The following SORCS1 variants were observed in gnomAD, a reference collection of about 807,000 sequenced individuals.
SORCS1 encodes sortilin related VPS10 domain containing receptor 1.
In SORCS1, 60 loss-of-function variants were observed where a neutral mutation model predicts 146.1. That is an observed-to-expected ratio of 0.41 (90% confidence interval 0.33 to 0.51). The LOEUF (loss-of-function observed/expected upper bound fraction) is 0.51. Among genes scored for constraint, SORCS1 ranks in the 20% least tolerant of loss-of-function variants. The pLI is 0.21. For missense variants in SORCS1, 1,352 were observed against 1,487.6 expected (o/e 0.91, Z 1.50); for synonymous variants, 637 against 584.0 (o/e 1.09, Z -1.31).
At chr10:106,723,171 TA>T (rs1267396610) in intron 6 of SORCS1, among the ~76,000 whole-genome samples, 4 of 152,046 alleles carry the variant, frequency 2.6e-5, no homozygotes, top group Admixed American at 2.0e-4. Flanking sequence ...AAACGTAAAA[TA>T]AAATAAAAAA....
chr10:106,986,221 C>G (rs1956462370), intron 1 of SORCS1, among the ~76,000 whole-genome samples: 1 of 146,898 alleles, frequency 6.8e-6, no homozygotes, highest in Non-Finnish European at 1.5e-5. Flanking sequence ...TATGTACATA[C>G]AGCATGTATA....
chr10:107,067,807 T>C (rs1407736247), intron 1 of SORCS1, among the ~76,000 whole-genome samples: 1 of 152,170 alleles, frequency 6.6e-6, no homozygotes, highest in Non-Finnish European at 1.5e-5. Flanking sequence ...TAATAAATAG[T>C]ACCAACCTCA....
intron 2 of SORCS1, among the ~76,000 whole-genome samples, chr10:106,849,085 A>C (rs1051765067): frequency 6.9e-6 from 1 of 145,374 alleles, no homozygotes; most frequent in Non-Finnish European, 1.5e-5. Flanking sequence ...CTTCTCGAGG[A>C]GTATCTTTGT....
At chr10:107,027,818 G>T (rs541503675) in intron 1 of SORCS1, among the ~76,000 whole-genome samples, 1 of 152,282 alleles carries the variant, frequency 6.6e-6, no homozygotes, top group East Asian at 1.9e-4. Flanking sequence ...TATCTCTGTG[G>T]ATTTCTGTCA....
At position 106,960,401 on chromosome 10, in the gene SORCS1, TTTTC is replaced by T. The variant is rs1302482310; in HGVS notation, c.559-3825_559-3822del. On this transcript the variant is annotated intron_variant, in intron 1 of 25. Transcript: ENST00000263054. This position sits in a 1 kb window ranked among gnomAD's most constrained non-coding sequence, Gnocchi z 4.4. ...TTCACTTGGTCCATACGTTTTCTCT[TTTTC>T]TTTTTCTTTTTTTTTTTTGAGATGG... 1.3e-5 allele frequency among the ~76,000 whole-genome samples: 2 copies of T among 148,638 alleles called. No homozygotes were observed. Among genetic ancestry groups the T allele is most frequent in the African/African-American group, 5.2e-5 (2 of 38,470 alleles).
rs114816013 is a variant in SORCS1, at chr10:106,813,424, C to T, written c.726+16150G>A. On this transcript the variant is annotated intron_variant, in intron 3 of 25. Transcript: ENST00000263054. ...CTGGGATTACAGACATGAACCACCG[C>T]GCCCGGCCTGACAGGCGCATTTCTG... 5.0e-3 allele frequency among the ~76,000 whole-genome samples: 765 copies of T among 151,714 alleles called. 6 individuals carry two copies. The highest frequency in any genetic ancestry group is 0.017 in the African/African-American group (701 of 41,378).
At position 106,695,037 on chromosome 10, in the gene SORCS1, T is replaced by C. The variant is rs548985246; in HGVS notation, c.1413+4177A>G. On this transcript the variant is annotated intron_variant, in intron 9 of 25. Transcript: ENST00000263054. ...ACTCTTCTCACAGACACTCAGCACA[T>C]TTTTTTTTTGCTCTGGCCACCATCA... Among the ~76,000 whole-genome samples, 94 of 149,702 alleles carry C rather than the reference T, an allele frequency of 6.3e-4. No individual in the cohort carries two copies. In the South Asian group the frequency reaches 6.8e-3, roughly 11 times the overall value.
At chr10:107,161,823 A>G (rs72814923) in intron 1 of SORCS1, among the ~76,000 whole-genome samples, 5,636 of 152,248 alleles carry the variant, frequency 0.037, 260 homozygotes, top group African/African-American at 0.11. Flanking sequence ...TTTCTCCACT[A>G]TCTGTATGTA....
intron 2 of SORCS1, among the ~76,000 whole-genome samples, chr10:106,896,767 A>T (rs1443382677): frequency 6.6e-6 from 1 of 151,772 alleles, no homozygotes; most frequent in Non-Finnish European, 1.5e-5. Flanking sequence ...AAATATTAAC[A>T]CTTTATATAA....
At chr10:106,585,487 G>T (rs1009210806) in intron 24 of SORCS1, among the ~76,000 whole-genome samples, 1 of 152,056 alleles carries the variant, frequency 6.6e-6, no homozygotes, top group African/African-American at 2.4e-5. Context: ...TCTGGTGATG[G>T]CTCCAGAAGA....
At position 107,135,477 on chromosome 10, in the gene SORCS1, C is replaced by T. The variant is rs142094724; in HGVS notation, c.558+28492G>A. On this transcript the variant is annotated intron_variant, in intron 1 of 25. Transcript: ENST00000263054. ...ATACCCAGACAATTATGTCACCAAACGTAACTTTAATTGTATCAAATAAAC... is the reference window on the plus strand; with the variant it reads ...ATACCCAGACAATTATGTCACCAAATGTAACTTTAATTGTATCAAATAAAC... Among the ~76,000 whole-genome samples the T allele has an allele frequency of 2.2e-3, 333 of 152,272 alleles. 2 individuals are homozygous for T. The highest frequency in any genetic ancestry group is 7.5e-3 in the African/African-American group (311 of 41,556).
chr10:107,174,661 A>G, the SORCS1 span, among the ~76,000 whole-genome samples: 1 of 152,126 alleles, frequency 6.6e-6, no homozygotes. Flanking sequence ...TGTTAATTAT[A>G]CTTATTAATT....
Position 106,735,033 on chromosome 10 carries a change from C to G in SORCS1, c.960-4919G>C, listed in dbSNP as rs763121539. Among the ~76,000 whole-genome samples the G allele has an allele frequency of 8.8e-4, 134 of 151,640 alleles. 1 individual carries two copies. The highest frequency in any genetic ancestry group is 3.4e-3 in the Middle Eastern group (1 of 294). On this transcript the variant is annotated intron_variant, in intron 5 of 25. Transcript: ENST00000263054. ...TGGTGGCGGGCAGCTGTAATCCCAG[C>G]TACTCAGGAGGCTGAGGCAGGAAAA...
At chr10:106,652,677 C>T (rs1849964499) in intron 17 of SORCS1, 124 bp from the exon 18 acceptor site, 2 of 1,031,074 alleles carry the variant, frequency 1.9e-6, no homozygotes, top group Non-Finnish European at 2.8e-6. Context: ...ATCTTTCATG[C>T]TACTATGAGG....
chr10:106,877,991 ATCTC>A (rs1950655931), intron 2 of SORCS1, among the ~76,000 whole-genome samples: 1 of 152,060 alleles, frequency 6.6e-6, no homozygotes, highest in South Asian at 2.1e-4. Context: ...ACCCGATACT[ATCTC>A]TCTAACATAC....
intron 23 of SORCS1, among the ~76,000 whole-genome samples, chr10:106,599,539 T>C (rs780037485): frequency 6.6e-6 from 1 of 152,108 alleles, no homozygotes; most frequent in Non-Finnish European, 1.5e-5. Flanking sequence ...TAGAGGTCTA[T>C]CACAAAGGTT....
At chr10:107,063,354 T>C (rs1818607439) in intron 1 of SORCS1, among the ~76,000 whole-genome samples, 1 of 152,216 alleles carries the variant, frequency 6.6e-6, no homozygotes, top group Admixed American at 6.5e-5. Context: ...GATACTTGAA[T>C]ACTTGTATGT....
At chr10:106,668,886 A>T (rs894658564) in intron 16 of SORCS1, among the ~76,000 whole-genome samples, 5 of 152,164 alleles carry the variant, frequency 3.3e-5, no homozygotes, top group African/African-American at 1.2e-4. Context: ...ACCAAGGAGA[A>T]ACACTCAGTG....
At chr10:106,882,853 C>T (rs968118442) in intron 2 of SORCS1, among the ~76,000 whole-genome samples, 4 of 152,188 alleles carry the variant, frequency 2.6e-5, no homozygotes, top group Admixed American at 2.6e-4. Context: ...CTGCACTTGA[C>T]AACCTCCTGA....
Sources: allele counts gnomAD v4.1 joint callset (sites outside exome capture counted in the v4.1 genomes callset), GRCh38; gene constraint gnomAD v4.1.1; non-coding constraint Gnocchi (gnomAD v3.1); transcripts MANE v1.5; gene names NCBI Gene and HGNC (gene_info 2026-07-23, HGNC 2026-07-21).